Variants in GRM7 observed in about 807,000 individuals in gnomAD.
The protein encoded by GRM7 is metabotropic glutamate receptor 7.
GRM7 carries 35 observed loss-of-function variants against 84.5 expected under a neutral mutation model. That is an observed-to-expected ratio of 0.41 (90% CI 0.32 to 0.55). GRM7 has a LOEUF of 0.55. Ranked by LOEUF, GRM7 falls within the 20% of genes least tolerant of loss-of-function variation. The probability of loss-of-function intolerance (pLI) is 0.19; values close to 1 mark genes in which losing one functional copy is unlikely to be tolerated. For synonymous variants in GRM7, 487 were observed against 455.1 expected (o/e 1.07, Z -0.89); for missense variants, 1,003 against 1,194.6 (o/e 0.84, Z 2.36).
intron 8 of GRM7, among the ~76,000 whole-genome samples, chr3:7,661,755 C>CTGCACTCCA (rs1463659969): frequency 7.5e-6 from 1 of 134,130 alleles, no homozygotes; most frequent in Non-Finnish European, 1.5e-5. Flanking sequence ...GATCGTGCCA[C>CTGCACTCCA]TGCACTCCAG....
intron 8 of GRM7, among the ~76,000 whole-genome samples, chr3:7,586,883 A>G (rs1387195876): frequency 6.6e-6 from 1 of 152,218 alleles, no homozygotes; most frequent in Non-Finnish European, 1.5e-5. Flanking sequence ...AAAAGGCCCC[A>G]GACATAAAAG....
At chr3:7,097,108 C>G (rs1368230548) in intron 1 of GRM7, among the ~76,000 whole-genome samples, 2 of 152,072 alleles carry the variant, frequency 1.3e-5, no homozygotes, top group African/African-American at 2.4e-5. Context: ...ATTGAAGTCA[C>G]CCATGCATGC....
intron 2 of GRM7, among the ~76,000 whole-genome samples, chr3:7,247,187 A>G (rs898083607): frequency 6.6e-6 from 1 of 152,180 alleles, no homozygotes; most frequent in East Asian, 1.9e-4. Context: ...AGTTAAACCT[A>G]TGAAGTTTTA....
chr3:7,452,451 C>T lies in GRM7; in HGVS notation c.1175-156C>T, dbSNP rs374367590. Among the ~76,000 whole-genome samples the T allele has an allele frequency of 3.3e-5, 5 of 152,172 alleles. No individual in the cohort carries two copies. The East Asian group carries it at 5.8e-4, about 18-fold the overall frequency. ...GGATATGGATACCAACTGGCTATCA[C>T]GTGGTAGGCAAATGTGGCTTGAATT... is the stretch of plus-strand genomic sequence containing the variant. On this transcript the variant is annotated intron_variant, in intron 5 of 9. Coordinates refer to ENST00000357716, the MANE Select transcript of GRM7 (RefSeq NM_000844.4).
chr3:7,310,575 T>C (rs1352195744), intron 4 of GRM7, among the ~76,000 whole-genome samples: 2 of 152,146 alleles, frequency 1.3e-5, no homozygotes, highest in South Asian at 2.1e-4. Context: ...AAAGAAAATA[T>C]TGCCTTGAAC....
intron 5 of GRM7, among the ~76,000 whole-genome samples, chr3:7,418,127 G>A (rs977881559): frequency 2.0e-5 from 3 of 152,024 alleles, no homozygotes; most frequent in Non-Finnish European, 4.4e-5. Flanking sequence ...AATTATCCAT[G>A]TCCACCTAAA....
chr3:7,157,204 G>A (rs932405309), intron 2 of GRM7, among the ~76,000 whole-genome samples: 1 of 152,120 alleles, frequency 6.6e-6, no homozygotes, highest in Admixed American at 6.5e-5. Context: ...ATTGTCTGCA[G>A]TTGATCATGT....
At chr3:6,966,711 G>A (rs1045232026) in intron 1 of GRM7, among the ~76,000 whole-genome samples, 9 of 152,136 alleles carry the variant, frequency 5.9e-5, no homozygotes, top group African/African-American at 2.2e-4. Context: ...AGAGGATGGT[G>A]GCTTAAAGTC....
chr3:6,970,569 A>G (rs986330733), intron 1 of GRM7, among the ~76,000 whole-genome samples: 9 of 152,330 alleles, frequency 5.9e-5, no homozygotes, highest in African/African-American at 2.2e-4. Flanking sequence ...TAAGAGGGAA[A>G]GCCGTGGTGG....
chr3:7,201,072 C>A (rs910094974), intron 2 of GRM7, among the ~76,000 whole-genome samples: 7 of 146,416 alleles, frequency 4.8e-5, no homozygotes, highest in Non-Finnish European at 4.5e-5. Flanking sequence ...TGGGTTCATG[C>A]CATTCTCCTG....
intron 2 of GRM7, among the ~76,000 whole-genome samples, chr3:7,216,504 G>T (rs1257781449): frequency 1.3e-5 from 2 of 152,120 alleles, no homozygotes; most frequent in African/African-American, 4.8e-5. Context: ...TTTGACATCA[G>T]CTGAAGATAT....
intron 7 of GRM7, chr3:7,519,793 C>T (rs988382520): frequency 6.6e-6 from 1 of 152,180 alleles, no homozygotes; most frequent in Non-Finnish European, 1.5e-5. Context: ...GATAACTTGT[C>T]TTAGCGCTAC....
intron 2 of GRM7, among the ~76,000 whole-genome samples, chr3:7,293,440 C>A (rs949601898): frequency 6.6e-6 from 1 of 152,126 alleles, no homozygotes; most frequent in Non-Finnish European, 1.5e-5. Context: ...CTCTCTCAAG[C>A]CTTTGACAGC....
At chr3:7,216,638 C>G (rs893978298) in intron 2 of GRM7, among the ~76,000 whole-genome samples, 1 of 152,178 alleles carries the variant, frequency 6.6e-6, no homozygotes, top group Non-Finnish European at 1.5e-5. Context: ...CACCCTCACT[C>G]TCCCTAAAAA....
intron 2 of GRM7, among the ~76,000 whole-genome samples, chr3:7,180,072 A>C (rs530450562): frequency 4.5e-4 from 68 of 152,320 alleles, no homozygotes; most frequent in African/African-American, 1.5e-3. Context: ...TTTTATTAGC[A>C]TCTGACTTTC....
chr3:7,690,227 T>C (rs1259441376), intron 9 of GRM7, among the ~76,000 whole-genome samples: 1 of 152,120 alleles, frequency 6.6e-6, no homozygotes, highest in Non-Finnish European at 1.5e-5. Context: ...AAGACTGAGT[T>C]TCCTTCGTCT....
intron 1 of GRM7, among the ~76,000 whole-genome samples, chr3:7,004,515 A>T (rs906090638): frequency 6.6e-6 from 1 of 152,196 alleles, no homozygotes; most frequent in Admixed American, 6.5e-5. Flanking sequence ...TTAAGAACTC[A>T]TCTTATGCTT....
chr3:7,286,115 G>A (rs944855504), intron 2 of GRM7, among the ~76,000 whole-genome samples: 11 of 152,234 alleles, frequency 7.2e-5, no homozygotes, highest in Middle Eastern at 3.4e-3. Flanking sequence ...TCCCCTCATG[G>A]GAAGGAAATT....
At chr3:7,134,448 T>C (rs1404098187) in intron 1 of GRM7, among the ~76,000 whole-genome samples, 4 of 152,082 alleles carry the variant, frequency 2.6e-5, no homozygotes, top group African/African-American at 4.8e-5. Flanking sequence ...ATCATCATCA[T>C]CATCATCATC....
Sources: allele counts gnomAD v4.1 joint callset (sites outside exome capture counted in the v4.1 genomes callset), GRCh38; gene constraint gnomAD v4.1.1; transcripts MANE v1.5; gene names NCBI Gene and HGNC (gene_info 2026-07-23, HGNC 2026-07-21).